DSN1: variants seen among roughly 807,000 people sequenced by gnomAD.
The protein encoded by DSN1 is kinetochore-associated protein DSN1 homolog.
Under a neutral mutation model 45.7 loss-of-function variants are expected in DSN1, and 31 were observed. That is an observed-to-expected ratio of 0.68 (90% confidence interval 0.51 to 0.92). DSN1 has a LOEUF of 0.92. Among genes scored for constraint, DSN1 ranks in the 40% least tolerant of loss-of-function variants. The pLI, the probability that DSN1 is intolerant of heterozygous loss-of-function variation, is 0.00. For synonymous variants in DSN1, 134 were observed against 142.3 expected (o/e 0.94, Z 0.41); for missense variants, 394 against 414.2 (o/e 0.95, Z 0.42).
Position 36,767,319 on chromosome 20 carries a change from AAAAC to A in DSN1, c.430-482_430-479del, listed in dbSNP as rs149549629. Among the ~76,000 whole-genome samples, 4 of 152,140 alleles carry A rather than the reference AAAAC, an allele frequency of 2.6e-5. No individual in the cohort carries two copies. The South Asian group carries it at 6.2e-4, about 24-fold the overall frequency. On this transcript the variant is annotated intron_variant, in intron 4 of 10. Coordinates refer to ENST00000373750, the MANE Select transcript of DSN1 (RefSeq NM_001145315.2). ...AGACTCCGTCTCAAAAAAACAACAA[AAAAC>A]AAACAAAGAAAAAACAAAAGACTTT...
rs368583897 is a variant in DSN1 at position 36,770,537 on chromosome 20, A to G, written c.355+336T>C. The stretch of plus-strand genomic sequence containing the variant: ...GCAGAGGTGAGTATTGAACAATTAG[A>G]AATTTATTTGTGGCAGCTAATAATA... On this transcript the variant is annotated intron_variant, in intron 3 of 10. Coordinates refer to ENST00000373750, the MANE Select transcript of DSN1 (RefSeq NM_001145315.2). Among the ~76,000 whole-genome samples the G allele has an allele frequency of 9.2e-5, 14 of 152,220 alleles. No homozygotes were observed. The East Asian group carries it at 2.7e-3, about 29-fold the overall frequency.
chr20:36,758,422 G>A, intron 7 of DSN1, 136 bp downstream of exon 7: 1 of 753,854 alleles, frequency 1.3e-6, no homozygotes, highest in Non-Finnish European at 2.1e-6. Context: ...ATCTCAATAT[G>A]CAGCCTTCTA....
chr20:36,764,931 AAG>A (rs1491085448), intron 5 of DSN1, among the ~76,000 whole-genome samples: 6 of 138,092 alleles, frequency 4.3e-5, no homozygotes, highest in African/African-American at 1.4e-4. Context: ...AAAAAAAAAA[AAG>A]AAAGAAAGTA....
chr20:36,760,245 A>G (rs1986903692), intron 6 of DSN1, among the ~76,000 whole-genome samples: 1 of 151,974 alleles, frequency 6.6e-6, no homozygotes, highest in South Asian at 2.1e-4. Context: ...CTCTGCCTCA[A>G]AAAAAAACAA....
intron 9 of DSN1, 77 bp from the exon 10 acceptor site, chr20:36,754,927 T>C: frequency 7.9e-7 from 1 of 1,259,934 alleles, no homozygotes; most frequent in Non-Finnish European, 1.1e-6. Flanking sequence ...AAGCAAGCTC[T>C]TGCTCAGGAG....
At chr20:36,762,130 A>C (rs564422606) in intron 6 of DSN1, among the ~76,000 whole-genome samples, 4 of 132,026 alleles carry the variant, frequency 3.0e-5, no homozygotes, top group African/African-American at 8.8e-5. Context: ...TTTGTGAGAC[A>C]GAGTCTCTCT....
intron 2 of DSN1, 26 bp downstream of exon 2, chr20:36,771,399 G>T (rs1333792807): frequency 1.2e-6 from 2 of 1,609,866 alleles, no homozygotes; most frequent in East Asian, 4.5e-5. Flanking sequence ...AAGGTAAGAG[G>T]TACTGAATTT....
At position 36,771,427 on chromosome 20, in the gene DSN1, T is replaced by C; in HGVS notation, c.32A>G (p.Asp11Gly). Residue 11 changes from aspartate to glycine, a missense_variant and splice_region_variant, in exon 2 of 11, where the codon GAT (aspartate) becomes GGT (glycine). Asp to Gly is a moderately conservative substitution (Grantham distance 94). Coordinates refer to ENST00000373750, the MANE Select transcript of DSN1 (RefSeq NM_001145315.2). Reference protein sequence around the residue: MTSVTRSEIIDEKGPVMSKTH... With the variant: MTSVTRSEIIGEKGPVMSKTH... ...CTGAATTTCACTACAATACTTACCA[T>C]CTATGATCTCTGATCTAGTCACTGA... 1.9e-6 allele frequency: 3 copies of C among 1,613,760 alleles called. No individual in the cohort carries two copies. Among genetic ancestry groups the C allele is most frequent in the Non-Finnish European group, 2.5e-6 (3 of 1,179,692 alleles).
At position 36,771,112 on chromosome 20, in the gene DSN1, G is replaced by A. The variant is rs1353166125; in HGVS notation, c.116C>T (p.Ser39Phe). The change falls in exon 3 of 11, where the codon TCT becomes TTT. Residue 39 changes from serine to phenylalanine, a missense_variant. By Grantham distance (155) the Ser-to-Phe change is radical (BLOSUM62 -2). Coordinates refer to ENST00000373750, the MANE Select transcript of DSN1 (RefSeq NM_001145315.2). ...LSPVEVFAKT[S>F]ASLEMNQGVS... ...GCCTTGATTCATCTCCAGGGAGGCA[G>A]ATGTTTTAGCAAACACTTCCACAGG... 1.2e-6 allele frequency: 2 copies of A among 1,614,186 alleles called. No individual in the cohort carries two copies. The highest frequency in any genetic ancestry group is 1.1e-5 in the South Asian group (1 of 91,088).
intron 10 of DSN1, 35 bp from the exon 11 acceptor site, chr20:36,752,932 T>A (rs780117761): frequency 2.0e-6 from 3 of 1,536,492 alleles, no homozygotes; most frequent in East Asian, 4.5e-5. Flanking sequence ...TAAATTTCAA[T>A]TGAAATAACG....
chr20:36,752,763 C>G lies in DSN1; in HGVS notation c.*25G>C. The G allele has an allele frequency of 1.9e-6, 3 of 1,598,976 alleles. No homozygotes were observed. Among genetic ancestry groups the G allele is most frequent in the Non-Finnish European group, 2.6e-6 (3 of 1,166,426 alleles). On this transcript the variant is annotated 3_prime_UTR_variant, in exon 11 of 11. Transcript: ENST00000373750. ...CTTCCCATTCCTCTCCTCTTGGGCACCTTGTGGCAGAAACTCTCATAAAGT... is the reference window on the plus strand; with the variant it reads ...CTTCCCATTCCTCTCCTCTTGGGCAGCTTGTGGCAGAAACTCTCATAAAGT...
intron 5 of DSN1, among the ~76,000 whole-genome samples, chr20:36,763,290 G>C (rs1248375126): frequency 6.6e-6 from 1 of 151,094 alleles, no homozygotes; most frequent in Non-Finnish European, 1.5e-5. Context: ...CTGTAATCCC[G>C]GCTACTCGGG....
At chr20:36,760,612 G>C (rs1986924575) in intron 6 of DSN1, among the ~76,000 whole-genome samples, 1 of 152,182 alleles carries the variant, frequency 6.6e-6, no homozygotes, top group East Asian at 1.9e-4. Context: ...AATAGGCCCG[G>C]TGTGGTGGTT....
chr20:36,753,013 A>G (rs770489419), intron 10 of DSN1, 116 bp from the exon 11 acceptor site: 13 of 805,932 alleles, frequency 1.6e-5, no homozygotes, highest in Middle Eastern at 2.9e-4. Context: ...GACAAATAAG[A>G]GAGTCTCTGG....
chr20:36,760,195 G>C (rs535541376), intron 6 of DSN1, among the ~76,000 whole-genome samples: 21 of 151,670 alleles, frequency 1.4e-4, no homozygotes, highest in Admixed American at 3.3e-4. Context: ...AGTGAGCTGA[G>C]ATCGTGCCAC....
At position 36,771,197 on chromosome 20, in the gene DSN1, G is replaced by A. The variant is rs1337895015; in HGVS notation, c.35-4C>T. 6.3e-7 allele frequency: 1 copy of A among 1,579,592 alleles called. No homozygotes were observed. The highest frequency in any genetic ancestry group is 1.9e-5 in the Admixed American group (1 of 53,514). ...TTAGACATCACTGGTCCTTTTTCTAGTATTTGTTATAAAAAAGTCAAAATA... is the reference window on the plus strand; with the variant it reads ...TTAGACATCACTGGTCCTTTTTCTAATATTTGTTATAAAAAAGTCAAAATA... On this transcript the variant is annotated splice_polypyrimidine_tract_variant and splice_region_variant and intron_variant, in intron 2 of 10. Coordinates refer to ENST00000373750, the MANE Select transcript of DSN1 (RefSeq NM_001145315.2).
At position 36,752,826 on chromosome 20, in the gene DSN1, G is replaced by A; in HGVS notation, c.1033C>T (p.Pro345Ser). ...CCAGATCCAGATCCATGTATGGCAG[G>A]TGGGTTCTGTAGCTGAAGCTTCAAC... ...KLLKLQLQNPPAIHGSGSGSC... is the reference protein window; with the variant it reads ...KLLKLQLQNPSAIHGSGSGSC... Residue 345 changes from proline (P) to serine (S), a missense_variant, in exon 11 of 11, where the codon CCT becomes TCT. Physicochemically the swap from Pro to Ser is moderately conservative, Grantham distance 74. Transcript: ENST00000373750. 6.2e-7 allele frequency: 1 copy of A among 1,614,206 alleles called. No homozygotes were observed. Among genetic ancestry groups the A allele is most frequent in the Non-Finnish European group, 8.5e-7 (1 of 1,180,036 alleles).
intron 6 of DSN1, among the ~76,000 whole-genome samples, chr20:36,760,172 A>T (rs1986897410): frequency 6.6e-6 from 1 of 150,934 alleles, no homozygotes; most frequent in Non-Finnish European, 1.5e-5. Flanking sequence ...TGAGCCCAGG[A>T]GGTGGAGGTT....
At chr20:36,766,054 C>T (rs535779689) in intron 5 of DSN1, among the ~76,000 whole-genome samples, 3 of 150,756 alleles carry the variant, frequency 2.0e-5, no homozygotes, top group South Asian at 2.1e-4. Flanking sequence ...ATTAGCTGAG[C>T]GTGGTGGTGG....
Sources: allele counts gnomAD v4.1 joint callset (sites outside exome capture counted in the v4.1 genomes callset), GRCh38; gene constraint gnomAD v4.1.1; transcripts MANE v1.5; gene names NCBI Gene and HGNC (gene_info 2026-07-23, HGNC 2026-07-21).